UBR1: variants seen among roughly 807,000 people sequenced by gnomAD.
The protein encoded by UBR1 is E3 ubiquitin-protein ligase UBR1.
UBR1 carries 102 observed loss-of-function variants against 242.1 expected under a neutral mutation model. The observed-to-expected ratio is 0.42, with a 90% CI of 0.36 to 0.50. UBR1 has a LOEUF of 0.50. Ranked by LOEUF, UBR1 falls within the 20% of genes least tolerant of loss-of-function variation. The pLI is 0.01. For missense variants in UBR1, 1,772 were observed against 2,101.8 expected (o/e 0.84, Z 3.07); for synonymous variants, 675 against 684.8 (o/e 0.99, Z 0.22).
At chr15:43,080,136 C>T (rs999924218) in intron 3 of UBR1, among the ~76,000 whole-genome samples, 2 of 152,106 alleles carry the variant, frequency 1.3e-5, no homozygotes, top group African/African-American at 2.4e-5. Flanking sequence ...ATGCTACTGC[C>T]GTATTGCAGA....
At chr15:43,085,861 A>C in intron 2 of UBR1, 123 bp downstream of exon 2, 1 of 1,041,172 alleles carries the variant, frequency 9.6e-7, no homozygotes, top group South Asian at 1.7e-5. Context: ...GGTTGCAGTG[A>C]CGTGACCGGA....
chr15:43,101,454 G>A (rs143450094), intron 1 of UBR1, among the ~76,000 whole-genome samples: 40 of 152,242 alleles, frequency 2.6e-4, no homozygotes, highest in African/African-American at 3.9e-4. Flanking sequence ...TGGAGGTGCT[G>A]TCTACTGAGA....
intron 25 of UBR1, among the ~76,000 whole-genome samples, 187 bp downstream of exon 25, chr15:43,024,642 C>T (rs924985253): frequency 3.9e-5 from 6 of 151,968 alleles, no homozygotes; most frequent in African/African-American, 1.5e-4. Flanking sequence ...AAATGGTTCC[C>T]AAGAGTAAGG....
chr15:43,017,194 G>T lies in UBR1; in HGVS notation c.2941-13C>A, dbSNP rs367562778. 3.1e-6 allele frequency: 5 copies of T among 1,597,172 alleles called. No homozygotes were observed. The African/African-American group carries it at 5.4e-5, about 17-fold the overall frequency. On this transcript the variant is annotated splice_polypyrimidine_tract_variant and intron_variant, in intron 27 of 46. Transcript: ENST00000290650. ...CTGTGTCAAACATCTGTGAAAAACA[G>T]ATGAAACGTTAAAAGAGTTAGTTAG...
chr15:42,988,493 G>T (rs904815290), intron 35 of UBR1: 6 of 341,538 alleles, frequency 1.8e-5, no homozygotes, highest in Admixed American at 1.2e-4. Context: ...GTATTGCCCA[G>T]GCTGGTCTCA....
At chr15:43,085,694 G>A (rs903826992) in intron 2 of UBR1, among the ~76,000 whole-genome samples, 2 of 148,746 alleles carry the variant, frequency 1.3e-5, no homozygotes, top group African/African-American at 5.0e-5. Flanking sequence ...GACCAGCCTA[G>A]CCAACATGGT....
intron 14 of UBR1, 62 bp from the exon 15 acceptor site, chr15:43,043,457 TG>T: frequency 2.6e-6 from 4 of 1,539,566 alleles, no homozygotes; most frequent in Non-Finnish European, 3.6e-6. Flanking sequence ...TTTTTTGTTT[TG>T]TTTTGAGACA....
intron 12 of UBR1, among the ~76,000 whole-genome samples, chr15:43,053,261 T>TA (rs1343105169): frequency 1.3e-5 from 2 of 152,220 alleles, no homozygotes; most frequent in African/African-American, 4.8e-5. Context: ...GTGCTGGCTC[T>TA]AAATTATTCA....
chr15:42,988,077 C>G (rs2032501665), intron 35 of UBR1, among the ~76,000 whole-genome samples: 1 of 152,158 alleles, frequency 6.6e-6, no homozygotes, highest in Non-Finnish European at 1.5e-5. Flanking sequence ...GCTAATCTCT[C>G]TTAAACTGCC....
rs1290986170 is a variant in UBR1 at position 42,990,089 on chromosome 15, T to C, written c.3789A>G (p.Gln1263=). The C allele has an allele frequency of 6.2e-7, 1 of 1,605,306 alleles. No homozygotes were observed. Among genetic ancestry groups the C allele is most frequent in the Admixed American group, 1.7e-5 (1 of 59,338 alleles). The part of the protein sequence containing the change: ...GENPIPIFFN[Q]GMGDSTLEFH... ...ACTCCAAAGTAGAATCTCCCATTCC[T>C]TGATTAAAGAAAATAGGAATTGGGT... Residue 1263 remains glutamine, a synonymous_variant, in exon 34 of 47, where the codon CAA becomes CAG. Transcript: ENST00000290650.
chr15:43,105,408 T>C (rs1007290254), intron 1 of UBR1, among the ~76,000 whole-genome samples: 15 of 152,188 alleles, frequency 9.9e-5, no homozygotes, highest in Admixed American at 9.2e-4. Flanking sequence ...CTTTAAAAAG[T>C]AGCGACAGAT....
intron 19 of UBR1, among the ~76,000 whole-genome samples, chr15:43,033,767 T>C (rs1024259852): frequency 3.9e-5 from 6 of 152,240 alleles, no homozygotes; most frequent in Non-Finnish European, 7.3e-5. Flanking sequence ...GAATTCAAAA[T>C]AGTTAAGGGC....
chr15:43,092,593 C>T (rs564246091), intron 1 of UBR1, among the ~76,000 whole-genome samples: 131 of 152,244 alleles, frequency 8.6e-4, no homozygotes, highest in African/African-American at 3.0e-3. Flanking sequence ...CTTGCTCTGT[C>T]ACCAGGCTGG....
chr15:43,036,694 C>A, intron 17 of UBR1, 101 bp from the exon 18 acceptor site: 1 of 780,958 alleles, frequency 1.3e-6, no homozygotes, highest in Non-Finnish European at 2.2e-6. Flanking sequence ...GCTAGAAACC[C>A]CTCAAAATCC....
chr15:43,014,083 T>C (rs1030142914), intron 29 of UBR1, among the ~76,000 whole-genome samples: 10 of 152,244 alleles, frequency 6.6e-5, no homozygotes, highest in African/African-American at 2.2e-4. Context: ...AGGGTTTCGC[T>C]GTGTTGGCCG....
In UBR1 at chr15:42,990,106, G is replaced by A. The variant is rs771728220; in HGVS notation, c.3772C>T (p.Pro1258Ser). Residue 1258 changes from proline (P) to serine (S), a missense_variant, in exon 34 of 47, where the codon CCT (proline) becomes TCT (serine). Transcript: ENST00000290650. ...CCCATTCCTTGATTAAAGAAAATAG[G>A]AATTGGGTTTTCTCCTTATAAATTA... ...IRHAKGENPI[P>S]IFFNQGMGDS... 2 of 1,596,400 alleles carry A rather than the reference G, an allele frequency of 1.3e-6. No homozygotes were observed. Among genetic ancestry groups the A allele is most frequent in the African/African-American group, 2.7e-5 (2 of 74,452 alleles).
chr15:43,011,605 T>C (rs2141292907), intron 29 of UBR1, among the ~76,000 whole-genome samples: 1 of 152,320 alleles, frequency 6.6e-6, no homozygotes, highest in East Asian at 1.9e-4. Flanking sequence ...TTTAATAATA[T>C]CACATTTTCA....
chr15:43,058,503 T>A, intron 9 of UBR1, 74 bp from the exon 10 acceptor site: 1 of 945,566 alleles, frequency 1.1e-6, no homozygotes, highest in South Asian at 1.4e-5. Flanking sequence ...TTCTGGCTAT[T>A]AGAGTGGCAG....
At chr15:43,047,012 C>T (rs2033494836) in intron 14 of UBR1, 149 bp downstream of exon 14, 4 of 992,294 alleles carry the variant, frequency 4.0e-6, no homozygotes, top group African/African-American at 1.7e-5. Context: ...ACAGTTTCCC[C>T]CTAAATTTAA....
Sources: gnomAD v4.1 joint callset for allele counts (sites outside exome capture counted in the v4.1 genomes callset) on GRCh38, gnomAD v4.1.1 for gene constraint, MANE v1.5 for transcripts, NCBI Gene and HGNC (gene_info 2026-07-23, HGNC 2026-07-21) for gene names.